The following NPAS3 variants were observed in gnomAD, a reference collection of about 807,000 sequenced individuals.
The protein encoded by NPAS3 is neuronal PAS domain protein 3, also known as neuronal PAS domain-containing protein 3.
Under a neutral mutation model 73.1 loss-of-function variants are expected in NPAS3, and 14 were observed. The observed-to-expected ratio is 0.19, with a 90% confidence interval of 0.13 to 0.30. The LOEUF (loss-of-function observed/expected upper bound fraction) is 0.30, where lower values mean the gene tolerates loss of function less well. NPAS3 is among the 10% of genes least tolerant of loss of function. The probability of loss-of-function intolerance (pLI) is 1.00; values close to 1 mark genes in which losing one functional copy is unlikely to be tolerated. For synonymous variants in NPAS3, 620 were observed against 541.5 expected, an observed-to-expected ratio of 1.14 and a Z score of -2.01; for missense variants, 1,096 against 1,250.0, an observed-to-expected ratio of 0.88 and a Z score of 1.86.
intron 5 of NPAS3, among the ~76,000 whole-genome samples, chr14:33,646,957 G>A (rs1246472919): frequency 6.6e-6 from 1 of 152,158 alleles, no homozygotes; most frequent in Admixed American, 6.5e-5. Context: ...CATTGTGGTA[G>A]CAACAAGGAG....
chr14:33,021,711 G>A (rs902395720), intron 1 of NPAS3, among the ~76,000 whole-genome samples: 3 of 152,074 alleles, frequency 2.0e-5, no homozygotes, highest in African/African-American at 7.2e-5. Context: ...GAGCCCCTCA[G>A]CACTTTTGGT....
intron 4 of NPAS3, among the ~76,000 whole-genome samples, chr14:33,542,157 A>G (rs1428795576): frequency 6.6e-6 from 1 of 152,128 alleles, no homozygotes; most frequent in Non-Finnish European, 1.5e-5. Context: ...ACAACTTTAG[A>G]ACACAACATA....
At chr14:33,317,850 C>A (rs1583802) in intron 3 of NPAS3, among the ~76,000 whole-genome samples, 29 of 151,984 alleles carry the variant, frequency 1.9e-4, no homozygotes, top group African/African-American at 6.3e-4. Context: ...TAACAGCTAC[C>A]GTAATATGAA....
At chr14:33,513,455 A>C (rs550197615) in intron 4 of NPAS3, among the ~76,000 whole-genome samples, 68 of 152,166 alleles carry the variant, frequency 4.5e-4, no homozygotes, top group Non-Finnish European at 7.8e-4. Flanking sequence ...GTTGTCTATT[A>C]ATTGTCACAG....
chr14:33,173,956 C>T (rs996343104), intron 2 of NPAS3, among the ~76,000 whole-genome samples: 90 of 152,212 alleles, frequency 5.9e-4, no homozygotes, highest in African/African-American at 2.1e-3. Flanking sequence ...TTACAGAATC[C>T]ACTGGTAACC....
At chr14:33,199,724 C>T (rs907528552) in intron 2 of NPAS3, among the ~76,000 whole-genome samples, 1 of 142,740 alleles carries the variant, frequency 7.0e-6, no homozygotes, top group East Asian at 2.2e-4. Context: ...CTTCTTCTTC[C>T]CCTCCCTCTT....
At chr14:33,258,177 A>T (rs935478145) in intron 3 of NPAS3, among the ~76,000 whole-genome samples, 3 of 152,176 alleles carry the variant, frequency 2.0e-5, no homozygotes, top group Non-Finnish European at 4.4e-5. Context: ...TGGGCAAATC[A>T]TTTGAGGTCA....
intron 1 of NPAS3, among the ~76,000 whole-genome samples, chr14:33,004,458 T>C (rs998216051): frequency 1.3e-5 from 2 of 151,998 alleles, no homozygotes; most frequent in South Asian, 2.1e-4. Context: ...AGAAGAGAAA[T>C]GGTACTCCTG....
intron 3 of NPAS3, among the ~76,000 whole-genome samples, chr14:33,242,937 C>G (rs1158048699): frequency 6.6e-6 from 1 of 152,086 alleles, no homozygotes; most frequent in Non-Finnish European, 1.5e-5. Context: ...CCCTTAAAGT[C>G]TGCCCTCTCT....
chr14:33,486,818 A>G (rs2051625309), intron 4 of NPAS3, among the ~76,000 whole-genome samples: 2 of 152,182 alleles, frequency 1.3e-5, no homozygotes, highest in South Asian at 2.1e-4. Context: ...TAGTTACCTC[A>G]TCAATCCAGA....
At chr14:33,302,597 A>G (rs540373373) in intron 3 of NPAS3, among the ~76,000 whole-genome samples, 2 of 152,362 alleles carry the variant, frequency 1.3e-5, no homozygotes, top group South Asian at 4.1e-4. Flanking sequence ...AGAAAGGCAT[A>G]AAATAAAACA....
Position 32,958,707 on chromosome 14 carries a change from A to G in NPAS3, c.50+19341A>G, listed in dbSNP as rs985397479. On this transcript the variant is annotated intron_variant, in intron 1 of 11. Coordinates refer to ENST00000356141, the Ensembl canonical transcript of NPAS3. Reference sequence around the variant, plus strand: ...ATGGCCATTCATACTTCCCATGGATACCTCAAACTCAATGGAACCCAAAAC... The same window carrying G: ...ATGGCCATTCATACTTCCCATGGATGCCTCAAACTCAATGGAACCCAAAAC... Among the ~76,000 whole-genome samples, 9 of 152,324 alleles carry G rather than the reference A, an allele frequency of 5.9e-5. No individual in the cohort carries two copies. In the South Asian group the frequency reaches 8.3e-4, roughly 14 times the overall value.
At chr14:32,936,003 ATC>A (rs1210736529), upstream of NPAS3, among the ~76,000 whole-genome samples, 2 of 152,278 alleles carry the variant, frequency 1.3e-5, no homozygotes, top group African/African-American at 2.4e-5. Context: ...ATGATTAAAC[ATC>A]TGAGAGATTT....
rs535637012 is a variant in NPAS3 at position 33,303,850 on chromosome 14, G to T, written c.386-63336G>T. On this transcript the variant is annotated intron_variant, in intron 3 of 11. Coordinates refer to ENST00000356141, the Ensembl canonical transcript of NPAS3. Reference sequence around the variant, plus strand: ...TTGTCTTGTTGTGGTTTGATTGTTGGTGGGAGATGATGATTTACAGGACAG... The same window carrying T: ...TTGTCTTGTTGTGGTTTGATTGTTGTTGGGAGATGATGATTTACAGGACAG... Among the ~76,000 whole-genome samples, 3 of 152,320 alleles carry T rather than the reference G, an allele frequency of 2.0e-5. No individual in the cohort carries two copies. The South Asian group carries it at 6.2e-4, about 32-fold the overall frequency.
At chr14:33,687,835 T>C (rs871609) in intron 6 of NPAS3, among the ~76,000 whole-genome samples, 69,718 of 152,022 alleles carry the variant, frequency 0.46, 18,075 homozygotes, top group African/African-American at 0.71. Flanking sequence ...TTACCAAAAA[T>C]GTCTCTGCTC....
upstream of NPAS3, chr14:32,939,283 C>G (rs1488586762): frequency 5.0e-6 from 3 of 601,048 alleles, no homozygotes; most frequent in Non-Finnish European, 8.9e-6. Flanking sequence ...GGGAGAGAGG[C>G]AAAAAGTAAG....
Position 33,127,091 on chromosome 14 carries a change from GAA to G in NPAS3, c.140+71107_140+71108del, listed in dbSNP as rs35090984. 3.5e-3 allele frequency among the ~76,000 whole-genome samples: 512 copies of G among 145,766 alleles called. 2 individuals are homozygous for G. Among genetic ancestry groups the G allele is most frequent in the African/African-American group, 0.013 (497 of 39,586 alleles). ...TTTTCATTTATTGTTCCCTGCTTTT[GAA>G]AAAAAAAAACTCTAAATAAATGTTT... On this transcript the variant is annotated intron_variant, in intron 2 of 11. Transcript: ENST00000356141.
intron 2 of NPAS3, among the ~76,000 whole-genome samples, chr14:33,209,797 A>C (rs2046964237): frequency 6.6e-6 from 1 of 152,198 alleles, no homozygotes; most frequent in Admixed American, 6.6e-5. Context: ...ATAGTTAGAT[A>C]ACCAAAACCT....
Position 33,534,345 on chromosome 14 carries a change from G to T in NPAS3, c.469-25776G>T, listed in dbSNP as rs190071101. On this transcript the variant is annotated intron_variant, in intron 4 of 11. Transcript: ENST00000356141. ...ACTAACTCCAGAATGGGCCTGATTT[G>T]TATACTCTCTTGGATCCCATCCTGA... 3.2e-4 allele frequency among the ~76,000 whole-genome samples: 48 copies of T among 152,110 alleles called. 1 individual carries two copies. The highest frequency in any genetic ancestry group is 3.1e-3 in the Admixed American group (48 of 15,268).
Sources: gnomAD v4.1 joint callset for allele counts (sites outside exome capture counted in the v4.1 genomes callset) on GRCh38, gnomAD v4.1.1 for gene constraint, MANE v1.5 for transcripts, NCBI Gene and HGNC (gene_info 2026-07-23, HGNC 2026-07-21) for gene names.